The following RASAL2 variants were observed in gnomAD, a reference collection of about 807,000 sequenced individuals.
RASAL2 encodes ras GTPase-activating protein nGAP.
Under a neutral mutation model 128.9 loss-of-function variants are expected in RASAL2, and 58 were observed. The observed-to-expected ratio is 0.45, with a 90% CI of 0.36 to 0.56. The LOEUF is 0.56. Among genes scored for constraint, RASAL2 ranks in the 20% least tolerant of loss-of-function variants. The pLI is 0.00. For synonymous variants in RASAL2, 561 were observed against 580.8 expected (o/e 0.97, Z 0.49); for missense variants, 1,360 against 1,601.6 (o/e 0.85, Z 2.57).
At chr1:178,321,335 C>A (rs575969353) in intron 3 of RASAL2, among the ~76,000 whole-genome samples, 136 of 152,234 alleles carry the variant, frequency 8.9e-4, no homozygotes, top group African/African-American at 3.2e-3. Context: ...ATCCACCCAC[C>A]TCGGCCTCCC....
chr1:178,365,466 GTTATGTTA>G, intron 3 of RASAL2, among the ~76,000 whole-genome samples: 1 of 151,574 alleles, frequency 6.6e-6, no homozygotes, highest in South Asian at 2.1e-4. Context: ...GTTATGTTAT[GTTATGTTA>G]TGTTATGTTA....
At chr1:178,321,549 G>T (rs1323385083) in intron 3 of RASAL2, among the ~76,000 whole-genome samples, 1 of 151,504 alleles carries the variant, frequency 6.6e-6, no homozygotes, top group African/African-American at 2.4e-5. Context: ...TTTGTGGCTA[G>T]GCTAGAGTGC....
At position 178,250,169 on chromosome 1, in the gene RASAL2, C is replaced by T. The variant is rs533127971; in HGVS notation, c.203-33395C>T. Among the ~76,000 whole-genome samples the T allele has an allele frequency of 9.3e-4, 141 of 152,300 alleles. 1 individual carries two copies. Among genetic ancestry groups the T allele is most frequent in the African/African-American group, 3.0e-3 (123 of 41,568 alleles). On this transcript the variant is annotated intron_variant, in intron 1 of 17. Transcript: ENST00000367649. ...GGAACGTTTATGTCTGCTGAAGCTG[C>T]GCCCACAGCCGCCCCTTCCCCCAGG...
chr1:178,220,814 T>C lies in RASAL2; in HGVS notation c.203-62750T>C, dbSNP rs4652296. Among the ~76,000 whole-genome samples, 534 of 152,340 alleles carry C rather than the reference T, an allele frequency of 3.5e-3. 2 individuals are homozygous for C. Among genetic ancestry groups the C allele is most frequent in the Admixed American group, 5.3e-3 (81 of 15,302 alleles). ...GGATGTACCAAGGTTTATTTAGCCA[T>C]TTGTCTACTGAAAGACATGTTGGTT... is the stretch of plus-strand genomic sequence containing the variant. On this transcript the variant is annotated intron_variant, in intron 1 of 17. Coordinates refer to ENST00000367649, the MANE Select transcript of RASAL2 (RefSeq NM_170692.4).
intron 1 of RASAL2, among the ~76,000 whole-genome samples, chr1:178,254,845 A>G (rs1665246276): frequency 6.6e-6 from 1 of 152,228 alleles, no homozygotes; most frequent in African/African-American, 2.4e-5. Flanking sequence ...TAGGATAAAC[A>G]CAAAGAAATT....
At position 178,094,585 on chromosome 1, in the gene RASAL2, G is replaced by A. The variant is rs1658600438; in HGVS notation, c.93G>A (p.Pro31=). The change falls in exon 1 of 18, where the codon CCG becomes CCA. Residue 31 remains proline, a synonymous_variant. Transcript: ENST00000367649. ...PALESDSPLP[P]EDLDAVVPVS... ...TGGAGTCCGACTCGCCGCTGCCCCCGGAGGACCTGGACGCGGTTGTCCCAG... is the reference window on the plus strand; with the variant it reads ...TGGAGTCCGACTCGCCGCTGCCCCCAGAGGACCTGGACGCGGTTGTCCCAG... 6 of 1,608,814 alleles carry A rather than the reference G, an allele frequency of 3.7e-6. No homozygotes were observed. The highest frequency in any genetic ancestry group is 4.2e-6 in the Non-Finnish European group (5 of 1,177,828).
At chr1:178,332,375 A>G (rs898550734) in intron 3 of RASAL2, among the ~76,000 whole-genome samples, 1 of 151,720 alleles carries the variant, frequency 6.6e-6, no homozygotes, top group African/African-American at 2.4e-5. Context: ...GGGTGGTGGC[A>G]GGCACTTGTA....
intron 1 of RASAL2, among the ~76,000 whole-genome samples, chr1:178,148,177 T>C (rs983243350): frequency 6.6e-6 from 1 of 151,790 alleles, no homozygotes; most frequent in Admixed American, 6.6e-5. Flanking sequence ...TGTTCATTTA[T>C]TTTCTTTGCT....
intron 1 of RASAL2, among the ~76,000 whole-genome samples, chr1:178,255,791 CAA>C (rs1038312084): frequency 4.6e-5 from 7 of 151,914 alleles, no homozygotes; most frequent in East Asian, 1.9e-4. Context: ...AACAACAAAA[CAA>C]GAGATAAATA....
At position 178,473,368 on chromosome 1, in the gene RASAL2, A is replaced by G. The variant is rs1170319202; in HGVS notation, c.*129A>G. The G allele has an allele frequency of 2.5e-6, 3 of 1,180,864 alleles. No homozygotes were observed. Among genetic ancestry groups the G allele is most frequent in the Non-Finnish European group, 3.6e-6 (3 of 843,566 alleles). 73.1% of individuals were successfully genotyped at this position (1,180,864 alleles called of 1,614,324 possible). A position where few individuals can be genotyped will look rare whatever the true frequency, so the allele number is the denominator to read the frequency against. ...TGGCGATGTGGTGAGAAACTCCTGA[A>G]TGAAGAAAGGAACCTTGTCTTTCAG... is the stretch of plus-strand genomic sequence containing the variant. On this transcript the variant is annotated 3_prime_UTR_variant, in exon 18 of 18. Transcript: ENST00000367649.
intron 1 of RASAL2, among the ~76,000 whole-genome samples, chr1:178,107,462 T>A (rs967886693): frequency 2.0e-5 from 3 of 152,128 alleles, no homozygotes; most frequent in African/African-American, 7.2e-5. Flanking sequence ...GTGTTTTTTT[T>A]ATTATGGTAA....
intron 3 of RASAL2, among the ~76,000 whole-genome samples, chr1:178,343,977 G>A (rs1557916414): frequency 6.6e-6 from 1 of 152,138 alleles, no homozygotes; most frequent in Non-Finnish European, 1.5e-5. Flanking sequence ...CTGAAAAGGA[G>A]ACAAATTTTA....
At chr1:178,127,679 G>A (rs1388519488) in intron 1 of RASAL2, among the ~76,000 whole-genome samples, 1 of 151,990 alleles carries the variant, frequency 6.6e-6, no homozygotes, top group Non-Finnish European at 1.5e-5. Context: ...CATTCCTCTA[G>A]TGGTGATCTT....
At chr1:178,303,489 C>A (rs1330981201) in intron 3 of RASAL2, among the ~76,000 whole-genome samples, 1 of 151,224 alleles carries the variant, frequency 6.6e-6, no homozygotes, top group Admixed American at 6.6e-5. Flanking sequence ...ATGCAAAAAT[C>A]TCATAATGTT....
chr1:178,378,251 TC>T (rs2102549830), intron 3 of RASAL2, among the ~76,000 whole-genome samples: 1 of 150,560 alleles, frequency 6.6e-6, no homozygotes, highest in South Asian at 2.1e-4. Flanking sequence ...AATAAGACTA[TC>T]AAAAAAGTTA....
chr1:178,422,032 G>A (rs1031883466), intron 5 of RASAL2, among the ~76,000 whole-genome samples: 2 of 151,740 alleles, frequency 1.3e-5, no homozygotes, highest in East Asian at 3.9e-4. Flanking sequence ...CGATTCTTAA[G>A]AACAAAAATG....
chr1:178,100,249 C>T (rs992841618), intron 1 of RASAL2, among the ~76,000 whole-genome samples: 1 of 151,888 alleles, frequency 6.6e-6, no homozygotes, highest in African/African-American at 2.4e-5. Context: ...GGCGCGGTGG[C>T]TTATGCCCAT....
intron 1 of RASAL2, among the ~76,000 whole-genome samples, chr1:178,128,844 G>A (rs2102295953): frequency 6.6e-6 from 1 of 152,106 alleles, no homozygotes; most frequent in Non-Finnish European, 1.5e-5. Flanking sequence ...CATCCATGTT[G>A]TAACGTGAAT....
At chr1:178,245,795 G>C (rs1664742815) in intron 1 of RASAL2, among the ~76,000 whole-genome samples, 1 of 152,202 alleles carries the variant, frequency 6.6e-6, no homozygotes. Flanking sequence ...CGGCTAGCCA[G>C]TTTTCCCAGC....
Sources: allele counts gnomAD v4.1 joint callset (sites outside exome capture counted in the v4.1 genomes callset), GRCh38; gene constraint gnomAD v4.1.1; transcripts MANE v1.5; gene names NCBI Gene and HGNC (gene_info 2026-07-23, HGNC 2026-07-21).